TYW1: variants seen among roughly 807,000 people sequenced by gnomAD.
The protein encoded by TYW1 is tRNA-yW synthesizing protein 1 homolog, also known as S-adenosyl-L-methionine-dependent tRNA 4-demethylwyosine synthase TYW1.
Under a neutral mutation model 96.2 loss-of-function variants are expected in TYW1, and 46 were observed. The ratio of observed to expected loss-of-function variants is 0.48; its 90% CI spans 0.38 to 0.61. TYW1 has a LOEUF of 0.61. TYW1 is among the 20% of genes least tolerant of loss of function. TYW1 has a pLI of 0.00. For synonymous variants in TYW1, 274 were observed against 323.0 expected (o/e 0.85, Z 1.63); for missense variants, 684 against 909.6 (o/e 0.75, Z 3.19).
chr7:67,088,527 A>G (rs1276131861), intron 11 of TYW1, among the ~76,000 whole-genome samples: 2 of 152,150 alleles, frequency 1.3e-5, no homozygotes, highest in Non-Finnish European at 2.9e-5. Context: ...CAGAATATTG[A>G]TTGTATTTTC....
chr7:67,178,957 G>A (rs1799757545), intron 13 of TYW1, among the ~76,000 whole-genome samples: 1 of 138,530 alleles, frequency 7.2e-6, no homozygotes, highest in African/African-American at 2.9e-5. Context: ...CATGACAGGT[G>A]AGCCCCAAAA....
intron 9 of TYW1, among the ~76,000 whole-genome samples, chr7:67,066,437 T>C (rs916283987): frequency 4.6e-5 from 7 of 152,238 alleles, no homozygotes; most frequent in Non-Finnish European, 8.8e-5. Context: ...TACCAACTTA[T>C]ATGACTCGTG....
chr7:67,211,764 G>A (rs997020819), intron 15 of TYW1, among the ~76,000 whole-genome samples: 10 of 152,092 alleles, frequency 6.6e-5, no homozygotes, highest in Admixed American at 3.3e-4. Flanking sequence ...TGTATATAGC[G>A]GCGTTGGAGT....
At chr7:67,093,479 C>T (rs1796786829) in intron 11 of TYW1, among the ~76,000 whole-genome samples, 1 of 152,146 alleles carries the variant, frequency 6.6e-6, no homozygotes, top group South Asian at 2.1e-4. Flanking sequence ...CTTCCACTTT[C>T]TGAGTTTTAG....
At chr7:67,212,160 A>G (rs116436075) in intron 15 of TYW1, among the ~76,000 whole-genome samples, 2,129 of 151,800 alleles carry the variant, frequency 0.014, 50 homozygotes, top group African/African-American at 0.049. Flanking sequence ...GCCACTGATT[A>G]TTGTTCTATA....
At chr7:67,159,147 G>A (rs1282237540) in intron 13 of TYW1, among the ~76,000 whole-genome samples, 3 of 152,026 alleles carry the variant, frequency 2.0e-5, no homozygotes, top group Non-Finnish European at 4.4e-5. Context: ...AATATATCGT[G>A]ATCCTTTGTC....
At chr7:67,156,909 G>T (rs1798995222) in intron 13 of TYW1, among the ~76,000 whole-genome samples, 1 of 151,768 alleles carries the variant, frequency 6.6e-6, no homozygotes, top group Non-Finnish European at 1.5e-5. Context: ...GACTCTTCTG[G>T]GGGTAGGGTT....
In TYW1 at chr7:67,222,866, C is replaced by CTTTCTTT. The variant is rs1350109180; in HGVS notation, c.1978-15439_1978-15438insCTTTTTT. ...CCCTTAATCTCTGTTCGCTTTTTTT[C>CTTTCTTT]TTTTTTTTTTTTTTTTTTTGCTATT... is the stretch of plus-strand genomic sequence containing the variant. On this transcript the variant is annotated intron_variant, in intron 15 of 15. Coordinates refer to ENST00000359626, the MANE Select transcript of TYW1 (RefSeq NM_018264.4). Among the ~76,000 whole-genome samples the CTTTCTTT allele has an allele frequency of 6.1e-4, 67 of 109,544 alleles. 1 individual carries two copies. Among genetic ancestry groups the CTTTCTTT allele is most frequent in the African/African-American group, 1.0e-3 (28 of 27,672 alleles). 71.9% of individuals were successfully genotyped at this position (109,544 alleles called of 152,430 possible).
intron 14 of TYW1, among the ~76,000 whole-genome samples, chr7:67,186,926 A>G (rs1800043483): frequency 6.6e-6 from 1 of 152,216 alleles, no homozygotes; most frequent in African/African-American, 2.4e-5. Flanking sequence ...GAAAAATTTT[A>G]TATGAATGTG....
intron 13 of TYW1, among the ~76,000 whole-genome samples, chr7:67,151,052 T>TTCTTC (rs35697716): frequency 2.2e-5 from 1 of 45,506 alleles, no homozygotes. Flanking sequence ...ATTCTTCTTC[T>TTCTTC]TTTTTTTTTT....
intron 3 of TYW1, among the ~76,000 whole-genome samples, chr7:67,009,372 G>C (rs553628252): frequency 6.6e-6 from 1 of 152,312 alleles, no homozygotes; most frequent in African/African-American, 2.4e-5. Flanking sequence ...TGTAAACCCT[G>C]ATCGGGTGAG....
rs1175587200 is a variant in TYW1 at position 67,069,606 on chromosome 7, G to A, written c.1274+2203G>A. On this transcript the variant is annotated intron_variant, in intron 10 of 15. Transcript: ENST00000359626. Reference sequence around the variant, plus strand: ...TTGCAAAAATTCGCCGGGCATGGTGGTGCATGTCTGAAGTCCCAGCTACTC... The same window carrying A: ...TTGCAAAAATTCGCCGGGCATGGTGATGCATGTCTGAAGTCCCAGCTACTC... 1.3e-5 allele frequency among the ~76,000 whole-genome samples: 2 copies of A among 152,148 alleles called. 1 individual carries two copies. The highest frequency in any genetic ancestry group is 4.1e-4 in the South Asian group (2 of 4,830).
intron 13 of TYW1, among the ~76,000 whole-genome samples, chr7:67,151,615 A>G (rs563016098): frequency 5.3e-5 from 8 of 152,256 alleles, no homozygotes; most frequent in Admixed American, 1.3e-4. Flanking sequence ...GGATTTTGCA[A>G]ACAGGAAACT....
chr7:67,214,820 T>C (rs1341822847), intron 15 of TYW1, among the ~76,000 whole-genome samples: 1 of 149,650 alleles, frequency 6.7e-6, no homozygotes, highest in Non-Finnish European at 1.5e-5. Flanking sequence ...GATTTTTGAA[T>C]GTTGAACCAG....
At chr7:67,002,837 CTTTTTCTTTTTCT>C (rs375604321) in intron 3 of TYW1, among the ~76,000 whole-genome samples, 8,558 of 126,990 alleles carry the variant, frequency 0.067, 257 homozygotes, top group Non-Finnish European at 0.086. Flanking sequence ...GTAACTTTTT[CTTTTTCTTTTTCT>C]TTTTTCTTTT....
chr7:67,113,030 T>G (rs1489552291), intron 12 of TYW1, among the ~76,000 whole-genome samples: 1 of 152,174 alleles, frequency 6.6e-6, no homozygotes, highest in African/African-American at 2.4e-5. Flanking sequence ...CTGCTGCATC[T>G]CACAGCTGCA....
At chr7:67,133,967 T>G (rs1344385660) in intron 13 of TYW1, among the ~76,000 whole-genome samples, 1 of 151,820 alleles carries the variant, frequency 6.6e-6, no homozygotes, top group Non-Finnish European at 1.5e-5. Flanking sequence ...GAAAATAATA[T>G]CCCTCCTCAG....
Position 67,207,717 on chromosome 7 carries a change from C to CTTT in TYW1, c.1977+12398_1977+12400dup, listed in dbSNP as rs749961615. Among the ~76,000 whole-genome samples, 84 of 103,490 alleles carry CTTT rather than the reference C, an allele frequency of 8.1e-4. 2 individuals carry two copies. The highest frequency in any genetic ancestry group is 1.3e-3 in the Non-Finnish European group (67 of 52,978). The allele number at this position is 103,490 out of a possible 152,430, so 67.9% of individuals were successfully genotyped here. On this transcript the variant is annotated intron_variant, in intron 15 of 15. Coordinates refer to ENST00000359626, the MANE Select transcript of TYW1 (RefSeq NM_018264.4). ...TTGGAGATGGAGTCATTTTGTTTGC[C>CTTT]TTTTTTTTTTTTTTTTTTTTGGAGA... is the stretch of plus-strand genomic sequence containing the variant.
intron 4 of TYW1, among the ~76,000 whole-genome samples, chr7:67,014,033 G>A (rs184442363): frequency 4.6e-5 from 7 of 152,134 alleles, no homozygotes; most frequent in East Asian, 3.9e-4. Context: ...TTGAGCCACC[G>A]CACCCGGCCT....
Sources: allele counts gnomAD v4.1 joint callset (sites outside exome capture counted in the v4.1 genomes callset), GRCh38; gene constraint gnomAD v4.1.1; transcripts MANE v1.5; gene names NCBI Gene and HGNC (gene_info 2026-07-23, HGNC 2026-07-21).